The following GABRG3 variants were observed in gnomAD, a reference collection of about 807,000 sequenced individuals.
GABRG3 encodes the protein gamma-aminobutyric acid type A receptor subunit gamma3.
A neutral mutation model predicts 48.8 loss-of-function variants in GABRG3; 25 were observed. That is an observed-to-expected ratio of 0.51 (90% confidence interval 0.37 to 0.72). GABRG3 has a LOEUF of 0.72. Ranked by LOEUF, GABRG3 falls within the 30% of genes least tolerant of loss-of-function variation. GABRG3 has a pLI of 0.00. For missense variants in GABRG3, 394 were observed against 577.9 expected (o/e 0.68, Z 3.26); for synonymous variants, 227 against 217.6 (o/e 1.04, Z -0.38).
chr15:27,111,868 A>G (rs1897555411), intron 3 of GABRG3, among the ~76,000 whole-genome samples: 1 of 152,022 alleles, frequency 6.6e-6, no homozygotes, highest in African/African-American at 2.4e-5. Context: ...CCAGGGTGGG[A>G]TGGATTTTCA....
chr15:27,473,501 A>G (rs551068685), intron 5 of GABRG3, among the ~76,000 whole-genome samples: 1 of 152,370 alleles, frequency 6.6e-6, no homozygotes, highest in Admixed American at 6.5e-5. Flanking sequence ...CACTGAAATT[A>G]TAAACGTCTG....
At chr15:27,115,282 C>G (rs925790201) in intron 3 of GABRG3, among the ~76,000 whole-genome samples, 1 of 152,046 alleles carries the variant, frequency 6.6e-6, no homozygotes, top group Non-Finnish European at 1.5e-5. Context: ...ATATCCACGG[C>G]AGTTAAAGGC....
At chr15:27,044,972 G>A (rs1179917564) in intron 3 of GABRG3, among the ~76,000 whole-genome samples, 2 of 152,294 alleles carry the variant, frequency 1.3e-5, no homozygotes, top group Middle Eastern at 3.4e-3. Context: ...GGCCTCTAAA[G>A]CCCAAATTTA....
Position 27,007,131 on chromosome 15 carries a change from G to T in GABRG3, c.203-19623G>T, listed in dbSNP as rs1171135241. On this transcript the variant is annotated intron_variant, in intron 2 of 9. Coordinates refer to ENST00000615808, the MANE Select transcript of GABRG3 (RefSeq NM_033223.5). The stretch of plus-strand genomic sequence containing the variant: ...GTCTTGTTCTGTCATCCTGGCTGGA[G>T]CACAGTGGCATAATCTTGGCTCACT... Among the ~76,000 whole-genome samples, 8 of 151,374 alleles carry T rather than the reference G, an allele frequency of 5.3e-5. No individual in the cohort carries two copies. The East Asian group carries it at 1.6e-3, about 30-fold the overall frequency.
chr15:27,411,137 C>T (rs1887785936), intron 5 of GABRG3, among the ~76,000 whole-genome samples: 1 of 152,096 alleles, frequency 6.6e-6, no homozygotes, highest in African/African-American at 2.4e-5. Flanking sequence ...GGATTTTCAC[C>T]TGCCTCTTGC....
At chr15:27,466,311 C>T (rs1001941984) in intron 5 of GABRG3, among the ~76,000 whole-genome samples, 3 of 152,168 alleles carry the variant, frequency 2.0e-5, no homozygotes, top group African/African-American at 4.8e-5. Flanking sequence ...AAATTTGTAA[C>T]TGATGATTCC....
chr15:27,017,028 C>A (rs1005872896), intron 2 of GABRG3, among the ~76,000 whole-genome samples: 4 of 152,094 alleles, frequency 2.6e-5, no homozygotes, highest in African/African-American at 9.7e-5. Context: ...TCTGTGCCTT[C>A]TTTTACTCCA....
At chr15:27,471,340 T>G (rs1889782458) in intron 5 of GABRG3, among the ~76,000 whole-genome samples, 3 of 152,228 alleles carry the variant, frequency 2.0e-5, no homozygotes, top group Admixed American at 2.0e-4. Flanking sequence ...TAGGTTCCAC[T>G]ATAGTGATGT....
rs28399525 is a variant in GABRG3, at chr15:26,971,544, G to A, written c.9G>A (p.Pro3=). ...CCGAGCTCCACGGCACCATGGCCCC[G>A]AAGCTGCTGCTCCTCCTCTGCCTGT... MA[P]KLLLLLCLFS... Residue 3 remains proline, a synonymous_variant, in exon 1 of 10, where the codon CCG becomes CCA. Transcript: ENST00000615808. The A allele has an allele frequency of 3.4e-3, 5,138 of 1,529,572 alleles. 169 individuals carry two copies. In the African/African-American group the frequency reaches 0.065, roughly 19 times the overall value. The allele number at this position is 1,529,572 out of a possible 1,614,324, so 94.8% of individuals were successfully genotyped here.
At chr15:27,493,631 CAG>C (rs1225581908) in intron 6 of GABRG3, among the ~76,000 whole-genome samples, 2 of 152,024 alleles carry the variant, frequency 1.3e-5, no homozygotes, top group African/African-American at 4.8e-5. Context: ...TTTAAAGATT[CAG>C]AGATAGAAAT....
At chr15:27,035,793 C>T (rs1896167202) in intron 3 of GABRG3, among the ~76,000 whole-genome samples, 1 of 152,278 alleles carries the variant, frequency 6.6e-6, no homozygotes, top group East Asian at 1.9e-4. Flanking sequence ...TTCACAGAAG[C>T]CCCTTGGGCA....
At chr15:27,020,365 C>T (rs1282505205) in intron 2 of GABRG3, among the ~76,000 whole-genome samples, 2 of 152,202 alleles carry the variant, frequency 1.3e-5, no homozygotes, top group South Asian at 2.1e-4. Context: ...CTTGTCAACA[C>T]CTATTGGTCC....
At chr15:27,220,847 C>T (rs1294223555) in intron 3 of GABRG3, among the ~76,000 whole-genome samples, 2 of 152,076 alleles carry the variant, frequency 1.3e-5, no homozygotes, top group Admixed American at 1.3e-4. Flanking sequence ...GGTGGCAGGG[C>T]CCTAAGGGGG....
chr15:26,998,681 C>A (rs966877458), intron 2 of GABRG3, among the ~76,000 whole-genome samples: 143 of 152,258 alleles, frequency 9.4e-4, no homozygotes, highest in African/African-American at 3.4e-3. Context: ...TGGTGACCAT[C>A]CCCTTCTAGA....
At chr15:27,322,223 C>T (rs889500457) in intron 3 of GABRG3, among the ~76,000 whole-genome samples, 7 of 152,174 alleles carry the variant, frequency 4.6e-5, no homozygotes, top group Admixed American at 6.5e-5. Flanking sequence ...CACAATAAAA[C>T]ATCCACACCA....
intron 3 of GABRG3, among the ~76,000 whole-genome samples, chr15:27,306,478 A>G (rs992347848): frequency 1.4e-5 from 2 of 140,442 alleles, no homozygotes; most frequent in Admixed American, 7.4e-5. Context: ...GTCTATATAT[A>G]AACATATATA....
intron 3 of GABRG3, among the ~76,000 whole-genome samples, chr15:27,286,414 T>G (rs539941187): frequency 6.6e-6 from 1 of 152,210 alleles, no homozygotes. Context: ...CAGTTTCATC[T>G]TCTTCCTTCA....
At chr15:27,497,526 T>A (rs1890515473) in intron 6 of GABRG3, among the ~76,000 whole-genome samples, 1 of 152,164 alleles carries the variant, frequency 6.6e-6, no homozygotes, top group Non-Finnish European at 1.5e-5. Flanking sequence ...TTGGAAAAAA[T>A]TTGCCTTATT....
chr15:26,995,994 G>A lies in GABRG3; in HGVS notation c.202+18844G>A, dbSNP rs144218273. Among the ~76,000 whole-genome samples the A allele has an allele frequency of 5.7e-4, 87 of 151,926 alleles. No homozygotes were observed. In the East Asian group the frequency reaches 9.3e-3, roughly 16 times the overall value. On this transcript the variant is annotated intron_variant, in intron 2 of 9. Transcript: ENST00000615808. Reference sequence around the variant, plus strand: ...GTATTCCTACTCACGTCCTTGTGCCGTTATTATTAAATATGTTGCTTGTCT... The same window carrying A: ...GTATTCCTACTCACGTCCTTGTGCCATTATTATTAAATATGTTGCTTGTCT...
Sources: gnomAD v4.1 joint callset for allele counts (sites outside exome capture counted in the v4.1 genomes callset) on GRCh38, gnomAD v4.1.1 for gene constraint, MANE v1.5 for transcripts, NCBI Gene and HGNC (gene_info 2026-07-23, HGNC 2026-07-21) for gene names.